PLAT: variants seen among roughly 807,000 people sequenced by gnomAD.
PLAT encodes the protein tissue-type plasminogen activator.
In PLAT, 48 loss-of-function variants were observed where a neutral mutation model predicts 74.9. That is an observed-to-expected ratio of 0.64 (90% CI 0.51 to 0.82). The LOEUF is 0.82. PLAT is among the 40% of genes least tolerant of loss of function. The probability of loss-of-function intolerance (pLI) is 0.00; values close to 1 mark genes in which losing one functional copy is unlikely to be tolerated. For synonymous variants in PLAT, 307 were observed against 294.4 expected (o/e 1.04, Z -0.44); for missense variants, 673 against 736.2 (o/e 0.91, Z 0.99).
At chr8:42,194,811 G>T (rs557372988) in intron 1 of PLAT, among the ~76,000 whole-genome samples, 1 of 93,354 alleles carries the variant, frequency 1.1e-5, no homozygotes, top group East Asian at 3.1e-4. Flanking sequence ...CCACCGCTCT[G>T]CCAGAACATC....
rs8178884 is a variant in PLAT, at chr8:42,187,523, C to T, written c.414G>A (p.Thr138=). ...CGGCGCCACTCTCCGCTGTGCTCCA[C>T]GTGCCCCTGTAGCTGATGCCCTGGT... The part of the protein sequence containing the change: ...YEDQGISYRG[T]WSTAESGAEC... Residue 138 remains threonine (T), a synonymous_variant, in exon 6 of 14, where the codon ACG becomes ACA. Transcript: ENST00000220809. 1.4e-4 allele frequency: 233 copies of T among 1,611,170 alleles called. No individual in the cohort carries two copies. The highest frequency in any genetic ancestry group is 1.9e-4 in the Non-Finnish European group (221 of 1,179,172).
In PLAT at chr8:42,180,490, C is replaced by G. The variant is rs1278494639; in HGVS notation, c.1085G>C (p.Arg362Thr). 1 of 1,614,028 alleles carries G rather than the reference C, an allele frequency of 6.2e-7. No individual in the cohort carries two copies. Among genetic ancestry groups the G allele is most frequent in the Non-Finnish European group, 8.5e-7 (1 of 1,180,044 alleles). Reference protein sequence around the residue: ...ILSAAHCFQERFPPHHLTVIL... With the variant: ...ILSAAHCFQETFPPHHLTVIL... ...ACCAACTGGGTTTCCGAGCCCCTAC[C>G]TCTCCTGGAAGCAGTGGGCGGCAGA... The change falls in exon 10 of 14, where the codon AGG becomes ACG. Residue 362 changes from arginine (R) to threonine (T), a missense_variant and splice_region_variant. Physicochemically the swap from Arg to Thr is moderately conservative, Grantham distance 71. Transcript: ENST00000220809.
At chr8:42,177,010 CTG>C (rs1422004972) in intron 13 of PLAT, among the ~76,000 whole-genome samples, 1 of 152,038 alleles carries the variant, frequency 6.6e-6, no homozygotes, top group Non-Finnish European at 1.5e-5. Flanking sequence ...GAGTCTCACT[CTG>C]TCACCCACCC....
chr8:42,179,285 C>T (rs552843358), intron 12 of PLAT, among the ~76,000 whole-genome samples: 3 of 152,306 alleles, frequency 2.0e-5, no homozygotes, highest in South Asian at 2.1e-4. Context: ...GCTGATGCTT[C>T]GGACCAGGGA....
chr8:42,205,610 A>C (rs1806300812), intron 1 of PLAT, among the ~76,000 whole-genome samples: 2 of 152,212 alleles, frequency 1.3e-5, no homozygotes, highest in African/African-American at 4.8e-5. Flanking sequence ...TTGTGTATTC[A>C]GTGAAAGGCT....
chr8:42,187,261 T>A (rs544767338), intron 6 of PLAT, 137 bp downstream of exon 6: 1 of 623,906 alleles, frequency 1.6e-6, no homozygotes, highest in South Asian at 2.7e-5. Flanking sequence ...TCATCTATTA[T>A]CTGTCTATCA....
chr8:42,206,439 A>T (rs1428144589), intron 1 of PLAT, among the ~76,000 whole-genome samples: 1 of 152,182 alleles, frequency 6.6e-6, no homozygotes, highest in East Asian at 1.9e-4. Flanking sequence ...CACAGCAAGT[A>T]CTGCTAGGAA....
At chr8:42,192,241 C>T (rs572951977) in intron 2 of PLAT, among the ~76,000 whole-genome samples, 1 of 152,154 alleles carries the variant, frequency 6.6e-6, no homozygotes, top group East Asian at 1.9e-4. Flanking sequence ...TGGGCTCAAG[C>T]GATCCTCCCA....
At chr8:42,184,993 C>G in intron 7 of PLAT, 88 bp downstream of exon 7, 1 of 816,052 alleles carries the variant, frequency 1.2e-6, no homozygotes. Flanking sequence ...CCCTTTCTCC[C>G]CTCAGGTGCA....
In PLAT at chr8:42,194,257, T is replaced by A. The variant is rs1370468869; in HGVS notation, c.-26-1046A>T. Among the ~76,000 whole-genome samples the A allele has an allele frequency of 3.0e-3, 425 of 142,566 alleles. 2 individuals are homozygous for A. The highest frequency in any genetic ancestry group is 0.012 in the African/African-American group (399 of 34,498). The allele number at this position is 142,566 out of a possible 152,430, so 93.5% of individuals were successfully genotyped here. On this transcript the variant is annotated intron_variant, in intron 1 of 13. Transcript: ENST00000220809. ...GAGAGAGAGAGTGTGTGTGTGTGTG[T>A]GTGTGTGTGTGTGTGTGTGTGTGTG...
At chr8:42,196,541 C>T (rs1022753135) in intron 1 of PLAT, among the ~76,000 whole-genome samples, 6 of 152,158 alleles carry the variant, frequency 3.9e-5, no homozygotes, top group Non-Finnish European at 7.3e-5. Context: ...AAAAATGAGT[C>T]CTTGTTTCGC....
At chr8:42,197,552 G>A (rs982856554) in intron 1 of PLAT, among the ~76,000 whole-genome samples, 4 of 152,142 alleles carry the variant, frequency 2.6e-5, no homozygotes, top group African/African-American at 9.7e-5. Flanking sequence ...CCAGAAAGGT[G>A]GTGTTCATTT....
chr8:42,188,612 T>C (rs1441761579), intron 4 of PLAT: 2 of 259,692 alleles, frequency 7.7e-6, no homozygotes, highest in East Asian at 1.5e-4. Context: ...GGCTTTTCTG[T>C]GTTTTTGTTT....
At chr8:42,203,024 G>A (rs1364869579) in intron 1 of PLAT, among the ~76,000 whole-genome samples, 1 of 152,072 alleles carries the variant, frequency 6.6e-6, no homozygotes, top group Non-Finnish European at 1.5e-5. Context: ...CTTCTGCCAG[G>A]GTGTCCTGGG....
intron 3 of PLAT, among the ~76,000 whole-genome samples, chr8:42,191,139 T>TG (rs755089283): frequency 5.4e-4 from 82 of 152,120 alleles, no homozygotes; most frequent in Non-Finnish European, 7.9e-4. Flanking sequence ...CCTGGCTCCT[T>TG]GGGGGGGAAC....
At chr8:42,204,303 G>T (rs1234701735) in intron 1 of PLAT, among the ~76,000 whole-genome samples, 1 of 152,034 alleles carries the variant, frequency 6.6e-6, no homozygotes, top group Non-Finnish European at 1.5e-5. Context: ...ATATACAAAA[G>T]AAATGGCCCC....
At chr8:42,182,511 C>T in intron 8 of PLAT, 1 of 473,156 alleles carries the variant, frequency 2.1e-6, no homozygotes. Flanking sequence ...GGACCCTTAA[C>T]TTGGGATTTA....
intron 9 of PLAT, among the ~76,000 whole-genome samples, chr8:42,181,624 C>G (rs896085631): frequency 6.6e-6 from 1 of 152,222 alleles, no homozygotes; most frequent in African/African-American, 2.4e-5. Context: ...GCGAGGCCTC[C>G]TCCTCATTCC....
At chr8:42,178,688 C>G (rs1344283194) in intron 13 of PLAT, among the ~76,000 whole-genome samples, 1 of 152,234 alleles carries the variant, frequency 6.6e-6, no homozygotes, top group Non-Finnish European at 1.5e-5. Flanking sequence ...GGGGAAATTT[C>G]CTGCAGTTTA....
Sources: allele counts gnomAD v4.1 joint callset (sites outside exome capture counted in the v4.1 genomes callset), GRCh38; gene constraint gnomAD v4.1.1; transcripts MANE v1.5; gene names NCBI Gene and HGNC (gene_info 2026-07-23, HGNC 2026-07-21).